PIEZO2: variants seen among roughly 807,000 people sequenced by gnomAD.
PIEZO2 encodes piezo type mechanosensitive ion channel component 2, also known as piezo-type mechanosensitive ion channel component 2.
Under a neutral mutation model 337.3 loss-of-function variants are expected in PIEZO2, and 172 were observed. The observed-to-expected ratio is 0.51, with a 90% CI of 0.45 to 0.58. PIEZO2 has a LOEUF of 0.58. Ranked by LOEUF, PIEZO2 falls within the 20% of genes least tolerant of loss-of-function variation. The pLI is 0.00. For synonymous variants in PIEZO2, 1,251 were observed against 1,228.5 expected (o/e 1.02, Z -0.38); for missense variants, 3,028 against 3,391.3 (o/e 0.89, Z 2.66).
intron 49 of PIEZO2, among the ~76,000 whole-genome samples, chr18:10,687,556 T>C (rs548429115): frequency 5.3e-5 from 8 of 152,318 alleles, no homozygotes; most frequent in Non-Finnish European, 1.2e-4. Context: ...CTCAATCCTG[T>C]AGGCATGACC....
chr18:10,732,263 G>C (rs910283415), intron 35 of PIEZO2, among the ~76,000 whole-genome samples: 4 of 152,124 alleles, frequency 2.6e-5, no homozygotes, highest in Admixed American at 2.6e-4. Context: ...GATAGAAAAA[G>C]TCAGCCATAT....
Position 10,854,756 on chromosome 18 carries a change from CA to C in PIEZO2, c.917+596del, listed in dbSNP as rs1568132385. 6.6e-6 allele frequency among the ~76,000 whole-genome samples: 1 copy of C among 152,148 alleles called. No homozygotes were observed. On this transcript the variant is annotated intron_variant, in intron 7 of 55. Transcript: ENST00000674853. The surrounding 1 kb of genome is among the most constrained non-coding windows in gnomAD (Gnocchi z 4.6). ...TGAGACAGGGTCTCACTCTGTCACCCAGGTGGGAGTGCAGCGGTGTGATCAT... is the reference window on the plus strand; with the variant it reads ...TGAGACAGGGTCTCACTCTGTCACCCGGTGGGAGTGCAGCGGTGTGATCAT...
intron 3 of PIEZO2, among the ~76,000 whole-genome samples, chr18:10,930,912 T>A (rs2032042118): frequency 6.6e-6 from 1 of 152,246 alleles, no homozygotes; most frequent in African/African-American, 2.4e-5. Context: ...AAAAGCACCA[T>A]GGTATGACAT....
chr18:10,733,239 C>A (rs567331176), intron 35 of PIEZO2, among the ~76,000 whole-genome samples: 22 of 152,186 alleles, frequency 1.4e-4, no homozygotes, highest in African/African-American at 5.1e-4. Context: ...TTGAGGTATG[C>A]AAACTGGGGA....
intron 27 of PIEZO2, 120 bp from the exon 28 acceptor site, chr18:10,752,999 G>A: frequency 8.0e-7 from 1 of 1,242,726 alleles, no homozygotes; most frequent in Non-Finnish European, 1.1e-6. Flanking sequence ...AAATCAGACT[G>A]TGAGCTTTCA....
In PIEZO2 at chr18:11,101,175, C is replaced by T. The variant is rs1175531443; in HGVS notation, c.65-34953G>A. Among the ~76,000 whole-genome samples, 1 of 152,212 alleles carries T rather than the reference C, an allele frequency of 6.6e-6. No individual in the cohort carries two copies. Among genetic ancestry groups the T allele is most frequent in the Non-Finnish European group, 1.5e-5 (1 of 68,044 alleles). ...CTAAATCAGGTTCATCCACTCAAGC[C>T]CATTTTGGGCTCATTCCATCTGGGC... On this transcript the variant is annotated intron_variant, in intron 1 of 55. Transcript: ENST00000674853. This position sits in a 1 kb window ranked among gnomAD's most constrained non-coding sequence, Gnocchi z 4.4.
At position 11,145,345 on chromosome 18, in the gene PIEZO2, T is replaced by C. The variant is rs956333243; in HGVS notation, c.64+3180A>G. ...CACTTATCACTTCTCTTAAAATTTA[T>C]CTTATACGGAAAAAGAAAAAAAATC... On this transcript the variant is annotated intron_variant, in intron 1 of 55. Coordinates refer to ENST00000674853, the MANE Select transcript of PIEZO2 (RefSeq NM_001378183.1). 5.3e-5 allele frequency among the ~76,000 whole-genome samples: 7 copies of C among 132,556 alleles called. 1 individual carries two copies. The highest frequency in any genetic ancestry group is 7.9e-3 in the Middle Eastern group (2 of 254). The allele number at this position is 132,556 out of a possible 152,430, so 87.0% of individuals were successfully genotyped here. A position where few individuals can be genotyped will look rare whatever the true frequency, so the allele number is the denominator to read the frequency against.
At position 11,021,934 on chromosome 18, in the gene PIEZO2, C is replaced by T. The variant is rs984898449; in HGVS notation, c.161-42274G>A. ...CCTAGTTGTTCCTAAATCCCTGTGCCCCTTGCAGAGTCACCACGTGTGAAG... is the reference window on the plus strand; with the variant it reads ...CCTAGTTGTTCCTAAATCCCTGTGCTCCTTGCAGAGTCACCACGTGTGAAG... On this transcript the variant is annotated intron_variant, in intron 2 of 55. Coordinates refer to ENST00000674853, the MANE Select transcript of PIEZO2 (RefSeq NM_001378183.1). This position sits in a 1 kb window ranked among gnomAD's most constrained non-coding sequence, Gnocchi z 4.7. Among the ~76,000 whole-genome samples, 1 of 152,164 alleles carries T rather than the reference C, an allele frequency of 6.6e-6. No homozygotes were observed. Among genetic ancestry groups the T allele is most frequent in the Admixed American group, 6.5e-5 (1 of 15,278 alleles).
At chr18:11,082,430 G>A (rs1199741311) in intron 1 of PIEZO2, among the ~76,000 whole-genome samples, 1 of 151,340 alleles carries the variant, frequency 6.6e-6, no homozygotes, top group African/African-American at 2.4e-5. Context: ...CCATTCTCCT[G>A]CCTCAGCCTC....
At position 10,800,449 on chromosome 18, in the gene PIEZO2, G is replaced by C. The variant is rs540196584; in HGVS notation, c.1266C>G (p.Asn422Lys). Residue 422 changes from asparagine (N) to lysine (K), a missense_variant, in exon 11 of 56, where the codon AAC becomes AAG. By Grantham distance (94) the Asn-to-Lys change is moderately conservative. Coordinates refer to ENST00000674853, the MANE Select transcript of PIEZO2 (RefSeq NM_001378183.1). ...SDGLLVTVNG[N>K]PVDYHTIHPS... ...GGTGGATGGTGTGGTAATCCACGGG[G>C]TTGCCGTTCACAGTCACCAGCAGGC... 5.2e-6 allele frequency: 8 copies of C among 1,534,950 alleles called. No homozygotes were observed. In the South Asian group the frequency reaches 9.6e-5, roughly 18 times the overall value.
Position 10,903,113 on chromosome 18 carries a change from C to G in PIEZO2, c.329+8073G>C, listed in dbSNP as rs1389247199. ...TCCAGAATCCTTCCTCCCCTACACG[C>G]TGACAGTCAATTATTCACCAAGTTG... On this transcript the variant is annotated intron_variant, in intron 4 of 55. Coordinates refer to ENST00000674853, the MANE Select transcript of PIEZO2 (RefSeq NM_001378183.1). This position sits in a 1 kb window ranked among gnomAD's most constrained non-coding sequence, Gnocchi z 4.1. 6.6e-6 allele frequency among the ~76,000 whole-genome samples: 1 copy of G among 152,178 alleles called. No individual in the cohort carries two copies. Among genetic ancestry groups the G allele is most frequent in the South Asian group, 2.1e-4 (1 of 4,830 alleles).
chr18:11,140,815 C>T (rs576164448), intron 1 of PIEZO2, among the ~76,000 whole-genome samples: 6 of 152,146 alleles, frequency 3.9e-5, no homozygotes, highest in African/African-American at 7.2e-5. Flanking sequence ...CTTTACAGTA[C>T]GGTAGGTGGA....
rs955722955 is a variant in PIEZO2, at chr18:11,129,234, T to C, written c.64+19291A>G. On this transcript the variant is annotated intron_variant, in intron 1 of 55. Coordinates refer to ENST00000674853, the MANE Select transcript of PIEZO2 (RefSeq NM_001378183.1). The surrounding 1 kb of genome is among the most constrained non-coding windows in gnomAD (Gnocchi z 4.6). ...ATTTGTGAGGGCAGCACCTGCATCT[T>C]TGGAACCACAGTCACTCAACTACAA... Among the ~76,000 whole-genome samples the C allele has an allele frequency of 1.1e-4, 16 of 152,260 alleles. No homozygotes were observed. The highest frequency in any genetic ancestry group is 3.8e-4 in the African/African-American group (16 of 41,560).
Position 10,672,685 on chromosome 18 carries a change from C to T in PIEZO2, c.8345+5G>A. On this transcript the variant is annotated splice_donor_5th_base_variant and intron_variant, in intron 55 of 55. Coordinates refer to ENST00000674853, the MANE Select transcript of PIEZO2 (RefSeq NM_001378183.1). This position sits in a 1 kb window ranked among gnomAD's most constrained non-coding sequence, Gnocchi z 4.7. Reference sequence around the variant, plus strand: ...GTAACTGTGAATTGTTCAATGAGTCCTTACCCATAGCCAGCCAGGAACCCC... The same window carrying T: ...GTAACTGTGAATTGTTCAATGAGTCTTTACCCATAGCCAGCCAGGAACCCC... 1 of 1,613,372 alleles carries T rather than the reference C, an allele frequency of 6.2e-7. No individual in the cohort carries two copies. The highest frequency in any genetic ancestry group is 1.3e-5 in the African/African-American group (1 of 74,972).
chr18:10,848,321 G>C (rs2041427784), intron 7 of PIEZO2, among the ~76,000 whole-genome samples: 2 of 152,052 alleles, frequency 1.3e-5, no homozygotes, highest in African/African-American at 4.8e-5. Flanking sequence ...AAACATAAAT[G>C]GTATTGCACT....
chr18:11,125,966 C>T lies in PIEZO2; in HGVS notation c.64+22559G>A, dbSNP rs139231709. Reference sequence around the variant, plus strand: ...TGGTGCCTACCATAAGATGGACAGACAAGTAGCACGTGACTGTGGTTTTAT... The same window carrying T: ...TGGTGCCTACCATAAGATGGACAGATAAGTAGCACGTGACTGTGGTTTTAT... On this transcript the variant is annotated intron_variant, in intron 1 of 55. Transcript: ENST00000674853. The surrounding 1 kb of genome is among the most constrained non-coding windows in gnomAD (Gnocchi z 4.4). Among the ~76,000 whole-genome samples the T allele has an allele frequency of 3.3e-5, 5 of 152,328 alleles. No individual in the cohort carries two copies. Among genetic ancestry groups the T allele is most frequent in the Admixed American group, 6.5e-5 (1 of 15,302 alleles).
At chr18:10,782,311 A>G (rs1383587199) in intron 17 of PIEZO2, among the ~76,000 whole-genome samples, 1 of 76,144 alleles carries the variant, frequency 1.3e-5, no homozygotes. Context: ...ATAAATAATT[A>G]TATAATATAT....
At chr18:10,809,796 C>G (rs1255454842) in intron 7 of PIEZO2, among the ~76,000 whole-genome samples, 1 of 152,178 alleles carries the variant, frequency 6.6e-6, no homozygotes, top group East Asian at 1.9e-4. Context: ...TCTCCAGGAA[C>G]TACTCTGTCT....
chr18:10,677,796 T>C lies in PIEZO2; in HGVS notation c.8032A>G (p.Ile2678Val), dbSNP rs771164848. Residue 2678 changes from isoleucine to valine, a missense_variant, in exon 53 of 56, where the codon ATC (isoleucine) becomes GTC (valine). Ile to Val is a conservative substitution (Grantham distance 29, BLOSUM62 3). Transcript: ENST00000674853. The surrounding 1 kb of genome is among the most constrained non-coding windows in gnomAD (Gnocchi z 4.1). ...CTGTTGCCTGCTATCATTTTAGCGA[T>C]ATTCTTTCGAGTAATATTTTTAAGA... ...FPLKNITRKN[I>V]AKMIAGNSTE... 17 of 1,611,042 alleles carry C rather than the reference T, an allele frequency of 1.1e-5. No individual in the cohort carries two copies. The South Asian group carries it at 1.7e-4, about 16-fold the overall frequency.
Sources: gnomAD v4.1 joint callset for allele counts (sites outside exome capture counted in the v4.1 genomes callset) on GRCh38, gnomAD v4.1.1 for gene constraint, Gnocchi (gnomAD v3.1) non-coding constraint, MANE v1.5 for transcripts, NCBI Gene and HGNC (gene_info 2026-07-23, HGNC 2026-07-21) for gene names.